The following LIN28B variants were observed in gnomAD, a reference collection of about 807,000 sequenced individuals.
LIN28B encodes lin-28 RNA binding posttranscriptional regulator B, also known as protein lin-28 homolog B.
In LIN28B, 5 loss-of-function variants were observed where a neutral mutation model predicts 21.9. The observed-to-expected ratio is 0.23, with a 90% CI of 0.12 to 0.48. The LOEUF (loss-of-function observed/expected upper bound fraction) is 0.48, where lower values mean the gene tolerates loss of function less well. Among genes scored for constraint, LIN28B ranks in the 20% least tolerant of loss-of-function variants. The pLI is 0.98. For synonymous variants in LIN28B, 109 were observed against 111.3 expected (o/e 0.98, Z 0.13); for missense variants, 245 against 310.5 (o/e 0.79, Z 1.58).
chr6:105,010,808 C>T (rs565394298), intron 2 of LIN28B, among the ~76,000 whole-genome samples: 7 of 152,314 alleles, frequency 4.6e-5, no homozygotes, highest in African/African-American at 1.7e-4. Context: ...AAACCCATCT[C>T]AAGACATGGA....
intron 3 of LIN28B, among the ~76,000 whole-genome samples, chr6:105,059,836 T>C (rs1308710077): frequency 6.6e-6 from 1 of 152,210 alleles, no homozygotes; most frequent in African/African-American, 2.4e-5. Context: ...CTAAATATTC[T>C]TTTTTCATCC....
chr6:105,059,721 T>C (rs571182979), intron 3 of LIN28B, among the ~76,000 whole-genome samples: 3 of 152,274 alleles, frequency 2.0e-5, no homozygotes, highest in African/African-American at 4.8e-5. Context: ...TGTATGACAA[T>C]ACTATTTGGC....
intron 2 of LIN28B, chr6:104,941,433 G>C (rs1778090766): frequency 6.7e-6 from 1 of 150,058 alleles, no homozygotes; most frequent in Non-Finnish European, 1.5e-5. Context: ...GGCCAAAGCC[G>C]GCTTGGAGCG....
intron 3 of LIN28B, among the ~76,000 whole-genome samples, chr6:105,027,853 C>T (rs1771319745): frequency 6.6e-6 from 1 of 152,082 alleles, no homozygotes; most frequent in Admixed American, 6.6e-5. Context: ...AAATTGGTAA[C>T]CAGTTATCTC....
At chr6:104,954,534 CCTTT>C (rs1778260492), upstream of LIN28B, among the ~76,000 whole-genome samples, 1 of 152,134 alleles carries the variant, frequency 6.6e-6, no homozygotes, top group Non-Finnish European at 1.5e-5. Context: ...CTTCTCTTCC[CCTTT>C]CTTTTACCCT....
rs1235926031 is a variant in LIN28B, at chr6:105,031,486, A to T, written c.383+5004A>T. Among the ~76,000 whole-genome samples, 4 of 151,922 alleles carry T rather than the reference A, an allele frequency of 2.6e-5. No individual in the cohort carries two copies. In the South Asian group the frequency reaches 6.2e-4, roughly 24 times the overall value. ...CATTGGTATATTTCTGTATATAAAT[A>T]TATACATAATATTAAATTGTCATAT... On this transcript the variant is annotated intron_variant, in intron 3 of 3. Transcript: ENST00000345080.
intron 3 of LIN28B, among the ~76,000 whole-genome samples, chr6:104,951,399 T>C (rs909314469): frequency 1.3e-5 from 2 of 151,108 alleles, no homozygotes; most frequent in Non-Finnish European, 1.5e-5. Context: ...GAGAAACTGC[T>C]TTTTTTTTGG....
rs186599787 is a variant in LIN28B, at chr6:105,071,932, A to C, written c.384-6482A>C. Among the ~76,000 whole-genome samples the C allele has an allele frequency of 8.4e-3, 1,282 of 152,318 alleles. 6 individuals carry two copies. The highest frequency in any genetic ancestry group is 0.011 in the Non-Finnish European group (737 of 68,016). ...GACCAAGTTTTTCAACATGTAAAGT[A>C]TAGGAGAGATGAAAAGAAAATTCAG... On this transcript the variant is annotated intron_variant, in intron 3 of 3. Coordinates refer to ENST00000345080, the MANE Select transcript of LIN28B (RefSeq NM_001004317.4).
At chr6:105,072,149 T>TA (rs1427179113) in intron 3 of LIN28B, among the ~76,000 whole-genome samples, 1 of 152,138 alleles carries the variant, frequency 6.6e-6, no homozygotes, top group Admixed American at 6.6e-5. Context: ...ATTTTAGACT[T>TA]ACATATAATA....
intron 3 of LIN28B, among the ~76,000 whole-genome samples, chr6:105,076,695 C>T (rs1772431103): frequency 6.6e-6 from 1 of 151,884 alleles, no homozygotes; most frequent in South Asian, 2.1e-4. Flanking sequence ...GCAACCTCCG[C>T]CTCCCAGGTT....
At chr6:105,068,213 A>G (rs2114411931) in intron 3 of LIN28B, among the ~76,000 whole-genome samples, 1 of 152,324 alleles carries the variant, frequency 6.6e-6, no homozygotes, top group South Asian at 2.1e-4. Flanking sequence ...AAATGTGTAA[A>G]TCTTAACCAT....
Position 105,079,516 on chromosome 6 carries a change from C to T in LIN28B, c.*733C>T, listed in dbSNP as rs186201933. Reference sequence around the variant, plus strand: ...AAGACAATGAATGTGTAATTTGGGCCGATATTTCACTGTTTTAAATTCTGT... The same window carrying T: ...AAGACAATGAATGTGTAATTTGGGCTGATATTTCACTGTTTTAAATTCTGT... On this transcript the variant is annotated 3_prime_UTR_variant, in exon 4 of 4. Transcript: ENST00000345080. 1.1e-4 allele frequency: 17 copies of T among 152,536 alleles called. No individual in the cohort carries two copies. Among genetic ancestry groups the T allele is most frequent in the African/African-American group, 3.1e-4 (13 of 41,494 alleles). 9.4% of individuals were successfully genotyped at this position (152,536 alleles called of 1,614,324 possible).
intron 3 of LIN28B, among the ~76,000 whole-genome samples, chr6:105,058,771 C>T (rs1772070746): frequency 6.6e-6 from 1 of 152,172 alleles, no homozygotes; most frequent in Admixed American, 6.5e-5. Flanking sequence ...TATATAATGT[C>T]ATTTTAATGT....
In LIN28B at chr6:105,051,534, AT is replaced by A. The variant is rs916422055; in HGVS notation, c.383+25064del. Among the ~76,000 whole-genome samples, 1,392 of 146,482 alleles carry A rather than the reference AT, an allele frequency of 9.5e-3. 20 individuals carry two copies. Among genetic ancestry groups the A allele is most frequent in the African/African-American group, 0.029 (1,173 of 40,274 alleles). ...TACTACATTCTTTCCTTCTCCAGGG[AT>A]TTTTTTTTTTTAAGTTTCAAATAAA... On this transcript the variant is annotated intron_variant, in intron 3 of 3. Transcript: ENST00000345080.
upstream of LIN28B, among the ~76,000 whole-genome samples, chr6:104,954,942 T>G (rs1188207482): frequency 6.6e-6 from 1 of 152,210 alleles, no homozygotes; most frequent in Non-Finnish European, 1.5e-5. Flanking sequence ...AAAGCAAACT[T>G]AAATGAATAT....
intron 2 of LIN28B, among the ~76,000 whole-genome samples, chr6:104,998,182 T>G (rs1302987381): frequency 6.6e-6 from 1 of 152,216 alleles, no homozygotes; most frequent in African/African-American, 2.4e-5. Flanking sequence ...AAGTGTTTCA[T>G]GTTATAAGAC....
chr6:105,043,610 G>T, intron 3 of LIN28B, among the ~76,000 whole-genome samples: 1 of 150,228 alleles, frequency 6.7e-6, no homozygotes. Flanking sequence ...TTAGAGACAG[G>T]GTCTCACTCT....
chr6:105,040,596 G>T (rs1771612752), intron 3 of LIN28B, among the ~76,000 whole-genome samples: 1 of 151,462 alleles, frequency 6.6e-6, no homozygotes, highest in Admixed American at 6.6e-5. Flanking sequence ...ACATATAATG[G>T]GGTAGGTGTT....
intron 2 of LIN28B, among the ~76,000 whole-genome samples, chr6:104,962,863 T>G (rs556995594): frequency 1.3e-5 from 2 of 152,272 alleles, no homozygotes; most frequent in African/African-American, 4.8e-5. Flanking sequence ...TTAGACATCT[T>G]GGAAACTTGA....
Sources: allele counts gnomAD v4.1 joint callset (sites outside exome capture counted in the v4.1 genomes callset), GRCh38; gene constraint gnomAD v4.1.1; transcripts MANE v1.5; gene names NCBI Gene and HGNC (gene_info 2026-07-23, HGNC 2026-07-21).